HDX: variants seen among roughly 807,000 people sequenced by gnomAD.
The protein encoded by HDX is highly divergent homeobox.
HDX carries 19 observed loss-of-function variants against 45.2 expected under a neutral mutation model. That is an observed-to-expected ratio of 0.42 (90% CI 0.29 to 0.62). The LOEUF (loss-of-function observed/expected upper bound fraction) is 0.62, where lower values mean the gene tolerates loss of function less well. HDX is among the 20% of genes least tolerant of loss of function. The pLI, the probability that HDX is intolerant of heterozygous loss-of-function variation, is 0.20. For missense variants in HDX, 532 were observed against 493.9 expected, an observed-to-expected ratio of 1.08 and a Z score of -0.73; for synonymous variants, 188 against 172.8, an observed-to-expected ratio of 1.09 and a Z score of -0.69.
intron 7 of HDX, among the ~76,000 whole-genome samples, chrX:84,343,911 A>G (rs1169035251): frequency 9.0e-6 from 1 of 111,016 alleles, no homozygotes; most frequent in Admixed American, 9.6e-5. Context: ...TATTTGTCGC[A>G]TTATGCCATA....
intron 5 of HDX, among the ~76,000 whole-genome samples, chrX:84,386,718 G>T (rs1209244641): frequency 1.8e-5 from 2 of 111,478 alleles, no homozygotes; most frequent in East Asian, 5.6e-4. Flanking sequence ...ATTTCTGATT[G>T]AAATTATTTG....
intron 5 of HDX, among the ~76,000 whole-genome samples, chrX:84,372,315 CAT>C (rs1426138801): frequency 9.0e-6 from 1 of 111,446 alleles, no homozygotes; most frequent in African/African-American, 3.3e-5. Context: ...TCAGGTTACC[CAT>C]ATATATATTT....
chrX:84,381,629 T>A (rs190924918), intron 5 of HDX, among the ~76,000 whole-genome samples: 40 of 111,686 alleles, frequency 3.6e-4, no homozygotes, highest in African/African-American at 1.2e-3. Context: ...TAAATGGTGC[T>A]GGGAAAACTG....
intron 5 of HDX, among the ~76,000 whole-genome samples, chrX:84,376,638 G>A (rs1482665616): frequency 1.8e-5 from 2 of 112,385 alleles, no homozygotes; most frequent in Non-Finnish European, 3.8e-5. Context: ...GCTACAGGAT[G>A]AGAGGATGAG....
intron 3 of HDX, among the ~76,000 whole-genome samples, chrX:84,471,183 T>C (rs973052105): frequency 9.1e-6 from 1 of 109,876 alleles, no homozygotes; most frequent in Non-Finnish European, 1.9e-5. Flanking sequence ...TATACATTAG[T>C]GTTGCTGTAC....
At chrX:84,429,138 T>C (rs900704607) in intron 5 of HDX, among the ~76,000 whole-genome samples, 3 of 110,843 alleles carry the variant, frequency 2.7e-5, no homozygotes, top group Non-Finnish European at 5.7e-5. Context: ...AATTATATGT[T>C]TTTTCAAAGT....
intron 5 of HDX, among the ~76,000 whole-genome samples, chrX:84,436,453 A>C (rs780619528): frequency 8.9e-6 from 1 of 111,940 alleles, no homozygotes; most frequent in African/African-American, 3.2e-5. Flanking sequence ...TTTTTGATGT[A>C]GACATTTATT....
chrX:84,368,075 T>C (rs1386379652), intron 5 of HDX, among the ~76,000 whole-genome samples: 1 of 111,908 alleles, frequency 8.9e-6, no homozygotes, highest in Admixed American at 9.5e-5. Context: ...TTTTCCTCTA[T>C]CTTTTTAAAT....
intron 1 of HDX, among the ~76,000 whole-genome samples, chrX:84,491,730 T>A (rs2040897022): frequency 1.8e-5 from 2 of 111,768 alleles, no homozygotes. Flanking sequence ...GTCAGGCAAA[T>A]CTAGAATTGC....
chrX:84,440,899 A>T (rs2039747574), intron 4 of HDX, among the ~76,000 whole-genome samples: 1 of 110,917 alleles, frequency 9.0e-6, no homozygotes, highest in South Asian at 3.7e-4. Flanking sequence ...TATAATAAAA[A>T]TTCAATGCTT....
intron 5 of HDX, among the ~76,000 whole-genome samples, chrX:84,412,992 T>TATC (rs1272687239): frequency 8.9e-6 from 1 of 112,059 alleles, no homozygotes; most frequent in African/African-American, 3.2e-5. Flanking sequence ...TTTTCAGCTC[T>TATC]ATCAGGTCAG....
At chrX:84,454,668 G>A (rs1396391281) in intron 4 of HDX, among the ~76,000 whole-genome samples, 1 of 111,150 alleles carries the variant, frequency 9.0e-6, no homozygotes, top group Non-Finnish European at 1.9e-5. Context: ...CTGAAGAAAA[G>A]GACACAAGCC....
At chrX:84,326,353 T>C (rs2036710346) in intron 9 of HDX, 53 bp from the exon 10 acceptor site, 3 of 939,803 alleles carry the variant, frequency 3.2e-6, no homozygotes, top group African/African-American at 3.9e-5. Context: ...CCCAGGACTA[T>C]ACATGTTTGA....
chrX:84,499,739 A>G (rs1189099769), intron 1 of HDX, among the ~76,000 whole-genome samples: 1 of 106,920 alleles, frequency 9.4e-6, no homozygotes, highest in Non-Finnish European at 1.9e-5. Context: ...AAAGTGAAAT[A>G]TGTGAAAAAC....
At chrX:84,408,499 G>GTTTTTTTTTTTTTTT (rs1220751208) in intron 5 of HDX, among the ~76,000 whole-genome samples, 5 of 44,434 alleles carry the variant, frequency 1.1e-4, no homozygotes, top group African/African-American at 9.4e-5. Flanking sequence ...CTCCAGCTTT[G>GTTTTTTTTTTTTTTT]TTTTTTTTTT....
chrX:84,409,550 A>C (rs1405600768), intron 5 of HDX, among the ~76,000 whole-genome samples: 31 of 107,915 alleles, frequency 2.9e-4, no homozygotes, highest in Admixed American at 2.2e-3. Flanking sequence ...GCCATAAAAA[A>C]TGATGAGTTC....
chrX:84,491,200 T>C (rs915977369), intron 1 of HDX, among the ~76,000 whole-genome samples: 2 of 111,958 alleles, frequency 1.8e-5, no homozygotes, highest in African/African-American at 3.2e-5. Context: ...TCACAATTCA[T>C]TGTTGCTCCA....
At chrX:84,395,340 G>A (rs1278174660) in intron 5 of HDX, among the ~76,000 whole-genome samples, 10 of 83,077 alleles carry the variant, frequency 1.2e-4, no homozygotes, top group Admixed American at 1.1e-3. Context: ...ATCATTGAGA[G>A]TAGTATCCTT....
chrX:84,434,587 A>T (rs2039580590), intron 5 of HDX, among the ~76,000 whole-genome samples: 1 of 110,174 alleles, frequency 9.1e-6, no homozygotes, highest in Non-Finnish European at 1.9e-5. Flanking sequence ...TTTATTGAGG[A>T]TTTTTGTATC....
Sources: allele counts gnomAD v4.1 joint callset (sites outside exome capture counted in the v4.1 genomes callset), GRCh38; gene constraint gnomAD v4.1.1; transcripts MANE v1.5; gene names NCBI Gene and HGNC (gene_info 2026-07-23, HGNC 2026-07-21).